Variants in RRAS2 observed in about 807,000 individuals in gnomAD.
RRAS2 encodes ras-related protein R-Ras2.
A neutral mutation model predicts 27.6 loss-of-function variants in RRAS2; 7 were observed. The ratio of observed to expected loss-of-function variants is 0.25; its 90% CI spans 0.14 to 0.48. RRAS2 has a LOEUF of 0.48. RRAS2 is among the 20% of genes least tolerant of loss of function. The probability of loss-of-function intolerance (pLI) is 0.99; values close to 1 mark genes in which losing one functional copy is unlikely to be tolerated. For synonymous variants in RRAS2, 86 were observed against 90.9 expected (o/e 0.95, Z 0.31); for missense variants, 178 against 256.2 (o/e 0.69, Z 2.08).
At chr11:14,352,848 T>A (rs1428190424) in intron 1 of RRAS2, among the ~76,000 whole-genome samples, 9 of 149,164 alleles carry the variant, frequency 6.0e-5, no homozygotes, top group South Asian at 2.1e-4. Flanking sequence ...CAGGCTGGAG[T>A]GCAGTGGCAT....
Position 14,307,426 on chromosome 11 carries a change from G to A in RRAS2, c.109-11571C>T, listed in dbSNP as rs147918188. Among the ~76,000 whole-genome samples the A allele has an allele frequency of 6.9e-3, 1,048 of 152,004 alleles. 28 individuals carry two copies. The highest frequency in any genetic ancestry group is 0.04 in the Admixed American group (604 of 15,268). On this transcript the variant is annotated intron_variant, in intron 1 of 5. Coordinates refer to ENST00000256196, the MANE Select transcript of RRAS2 (RefSeq NM_012250.6). ...TTGAGACAGAATATCTCATTTTGTCGCCCAGGCTGGAGAGCAGTGGTGCAA... is the reference window on the plus strand; with the variant it reads ...TTGAGACAGAATATCTCATTTTGTCACCCAGGCTGGAGAGCAGTGGTGCAA...
intron 4 of RRAS2, among the ~76,000 whole-genome samples, chr11:14,288,797 A>G (rs940965467): frequency 6.6e-6 from 1 of 152,230 alleles, no homozygotes; most frequent in Non-Finnish European, 1.5e-5. Context: ...ATTTCCAAAT[A>G]GAATAAACTA....
At chr11:14,279,883 T>C (rs908924956) in intron 5 of RRAS2, among the ~76,000 whole-genome samples, 2 of 152,206 alleles carry the variant, frequency 1.3e-5, no homozygotes, top group Non-Finnish European at 2.9e-5. Context: ...AAACCTACCT[T>C]TCACAGCTGT....
At position 14,358,556 on chromosome 11, in the gene RRAS2, G is replaced by C; in HGVS notation, c.108+207C>G. 1 of 986,074 alleles carries C rather than the reference G, an allele frequency of 1.0e-6. No individual in the cohort carries two copies. Among genetic ancestry groups the C allele is most frequent in the Non-Finnish European group, 1.2e-6 (1 of 830,692 alleles). 61.1% of individuals were successfully genotyped at this position (986,074 alleles called of 1,614,324 possible). ...CACATTCCTGAGAAGCCCTACTCCC[G>C]CGACGCCGCGCCCGGGAGGAGGCAG... On this transcript the variant is annotated intron_variant, in intron 1 of 5. Transcript: ENST00000256196. The surrounding 1 kb of genome is among the most constrained non-coding windows in gnomAD (Gnocchi z 5.1).
chr11:14,326,333 T>C (rs113089811), intron 1 of RRAS2, among the ~76,000 whole-genome samples: 3 of 152,232 alleles, frequency 2.0e-5, no homozygotes, highest in East Asian at 1.9e-4. Flanking sequence ...ATTTTGTATA[T>C]TGAATTTCTA....
intron 4 of RRAS2, among the ~76,000 whole-genome samples, chr11:14,292,119 C>T (rs1054316571): frequency 6.6e-6 from 1 of 152,136 alleles, no homozygotes; most frequent in East Asian, 1.9e-4. Flanking sequence ...GATTTTGGAG[C>T]ATTTCAGATT....
rs183732502 is a variant in RRAS2, at chr11:14,321,218, G to A, written c.109-25363C>T. 7.9e-5 allele frequency among the ~76,000 whole-genome samples: 12 copies of A among 151,516 alleles called. No individual in the cohort carries two copies. In the East Asian group the frequency reaches 1.4e-3, roughly 17 times the overall value. ...GATTGCAAATAAGTAAACACACGAC[G>A]CACGTCAATATTTTAAAATCTTATG... On this transcript the variant is annotated intron_variant, in intron 1 of 5. Transcript: ENST00000256196.
At chr11:14,361,513 G>C (rs1849190855), upstream of RRAS2, among the ~76,000 whole-genome samples, 1 of 152,236 alleles carries the variant, frequency 6.6e-6, no homozygotes, top group African/African-American at 2.4e-5. Flanking sequence ...CTGGGCAACA[G>C]AGCGAGACCC....
At chr11:14,287,795 C>G (rs1849704556) in intron 4 of RRAS2, among the ~76,000 whole-genome samples, 1 of 151,026 alleles carries the variant, frequency 6.6e-6, no homozygotes, top group Non-Finnish European at 1.5e-5. Flanking sequence ...TTGCTTGAAC[C>G]CGGGAGGTGG....
At chr11:14,326,272 T>A (rs952827971) in intron 1 of RRAS2, among the ~76,000 whole-genome samples, 3 of 152,198 alleles carry the variant, frequency 2.0e-5, no homozygotes, top group Non-Finnish European at 4.4e-5. Flanking sequence ...AACAAGTAAC[T>A]AGACTGTTAT....
At chr11:14,331,408 T>C (rs1007782223) in intron 1 of RRAS2, among the ~76,000 whole-genome samples, 2 of 151,976 alleles carry the variant, frequency 1.3e-5, no homozygotes, top group Non-Finnish European at 1.5e-5. Context: ...ACATTGCAAA[T>C]AACATTAAAG....
intron 1 of RRAS2, among the ~76,000 whole-genome samples, chr11:14,329,173 C>T (rs1218926888): frequency 1.3e-5 from 2 of 151,700 alleles, no homozygotes; most frequent in South Asian, 2.1e-4. Flanking sequence ...TCCAATGGCG[C>T]GATCTCAGCT....
intron 1 of RRAS2, among the ~76,000 whole-genome samples, chr11:14,331,671 C>G (rs1848483933): frequency 9.4e-6 from 1 of 105,896 alleles, no homozygotes; most frequent in African/African-American, 3.8e-5. Context: ...ATCCCCAACT[C>G]TTAAAAAAAA....
chr11:14,322,687 A>T (rs1429539849), intron 1 of RRAS2, among the ~76,000 whole-genome samples: 1 of 152,232 alleles, frequency 6.6e-6, no homozygotes, highest in African/African-American at 2.4e-5. Flanking sequence ...TATGTGTTAA[A>T]GTAGTCACAG....
At chr11:14,303,855 C>A (rs2970335) in intron 1 of RRAS2, among the ~76,000 whole-genome samples, 60,276 of 151,794 alleles carry the variant, frequency 0.4, 12,226 homozygotes, top group Admixed American at 0.49. Flanking sequence ...AAGGCCACAC[C>A]AATTAAGTGT....
intron 1 of RRAS2, among the ~76,000 whole-genome samples, chr11:14,356,962 A>G (rs940395323): frequency 6.6e-6 from 1 of 151,730 alleles, no homozygotes; most frequent in Non-Finnish European, 1.5e-5. Flanking sequence ...TAATTTTTGT[A>G]TTTTTAGTAG....
At chr11:14,305,174 T>TATTA (rs148282096) in intron 1 of RRAS2, among the ~76,000 whole-genome samples, 2,196 of 152,312 alleles carry the variant, frequency 0.014, 50 homozygotes, top group African/African-American at 0.05. Flanking sequence ...AATATATATG[T>TATTA]ATTACCTCAC....
At chr11:14,287,452 A>T (rs983504547) in intron 4 of RRAS2, among the ~76,000 whole-genome samples, 4 of 152,200 alleles carry the variant, frequency 2.6e-5, no homozygotes, top group Non-Finnish European at 4.4e-5. Context: ...AAATACACGT[A>T]CTTATTAGAA....
chr11:14,308,279 T>C (rs1554948395), intron 1 of RRAS2: 3 of 452,422 alleles, frequency 6.6e-6, no homozygotes, highest in Admixed American at 2.4e-5. Flanking sequence ...AAATTTGAAA[T>C]ACATGAATGA....
Sources: allele counts gnomAD v4.1 joint callset (sites outside exome capture counted in the v4.1 genomes callset), GRCh38; gene constraint gnomAD v4.1.1; non-coding constraint Gnocchi (gnomAD v3.1); transcripts MANE v1.5; gene names NCBI Gene and HGNC (gene_info 2026-07-23, HGNC 2026-07-21).